The following MRLN variants were observed in gnomAD, a reference collection of about 807,000 sequenced individuals.
MRLN encodes myoregulin.
intron 1 of MRLN, among the ~76,000 whole-genome samples, chr10:59,747,389 G>A (rs1841053596): frequency 6.6e-6 from 1 of 152,178 alleles, no homozygotes; most frequent in Non-Finnish European, 1.5e-5. Flanking sequence ...TCCATAAAGT[G>A]GGGATAATGG....
intron 1 of MRLN, chr10:59,739,595 T>C (rs906983092): frequency 2.6e-5 from 4 of 152,248 alleles, no homozygotes; most frequent in Non-Finnish European, 5.9e-5. Context: ...GTTGAATCCA[T>C]GGATATGGAA....
intron 1 of MRLN, among the ~76,000 whole-genome samples, chr10:59,746,131 T>A (rs1479429077): frequency 6.6e-6 from 1 of 152,214 alleles, no homozygotes; most frequent in African/African-American, 2.4e-5. Context: ...TTTATAATCT[T>A]AAACACATCA....
At position 59,751,389 on chromosome 10, in the gene MRLN, C is replaced by T. The variant is rs546939430; in HGVS notation, c.-125+1965G>A. 1.8e-3 allele frequency among the ~76,000 whole-genome samples: 281 copies of T among 152,090 alleles called. 3 individuals carry two copies. The highest frequency in any genetic ancestry group is 2.9e-3 in the Non-Finnish European group (200 of 67,984). On this transcript the variant is annotated intron_variant, in intron 1 of 2. Transcript: ENST00000414264. ...TTAGAAGGTGATACTTGGCCAGGTG[C>T]GGTGGCTCACACCTATAATTCCAGC... is the stretch of plus-strand genomic sequence containing the variant.
chr10:59,737,627 T>A (rs1244910713), intron 2 of MRLN, among the ~76,000 whole-genome samples: 5 of 123,894 alleles, frequency 4.0e-5, no homozygotes, highest in Admixed American at 1.9e-4. Context: ...TTTGAAGACA[T>A]GAAAAAAGGC....
chr10:59,749,131 A>G (rs921935984), intron 1 of MRLN, among the ~76,000 whole-genome samples: 2 of 152,192 alleles, frequency 1.3e-5, no homozygotes, highest in Non-Finnish European at 2.9e-5. Context: ...AGAGAGAGTA[A>G]TATCTGTCTT....
At chr10:59,752,859 G>C (rs550770875) in intron 1 of MRLN, among the ~76,000 whole-genome samples, 1 of 152,156 alleles carries the variant, frequency 6.6e-6, no homozygotes, top group African/African-American at 2.4e-5. Flanking sequence ...GAACAAGACA[G>C]GTGCCCTCTC....
At chr10:59,744,169 G>T (rs1841015355) in intron 1 of MRLN, 2 of 156,900 alleles carry the variant, frequency 1.3e-5, no homozygotes, top group Non-Finnish European at 2.8e-5. Context: ...GCCCAGTCTG[G>T]GAAGTGAGGA....
intron 1 of MRLN, among the ~76,000 whole-genome samples, chr10:59,750,056 CTCTCTCTTTTT>C (rs1841083845): frequency 1.4e-5 from 2 of 138,400 alleles, no homozygotes; most frequent in African/African-American, 5.4e-5. Context: ...CTCTCTCTCT[CTCTCTCTTTTT>C]TTTTTTTTTT....
chr10:59,737,926 A>T (rs954382514), intron 2 of MRLN: 1 of 152,192 alleles, frequency 6.6e-6, no homozygotes, highest in Non-Finnish European at 1.5e-5. Context: ...AAAGTTCCCC[A>T]TATATACTCA....
At chr10:59,739,205 C>G (rs957238852) in intron 1 of MRLN, 1 of 151,674 alleles carries the variant, frequency 6.6e-6, no homozygotes, top group Non-Finnish European at 1.5e-5. Flanking sequence ...GACAAAACAA[C>G]AATTACAACC....
At chr10:59,737,320 G>T (rs1840935370) in intron 2 of MRLN, 100 bp from the exon 3 acceptor site, 1 of 375,004 alleles carries the variant, frequency 2.7e-6, no homozygotes, top group East Asian at 3.7e-5. Context: ...TGTGAACAAG[G>T]TAAGTCTTCC....
At chr10:59,741,464 G>T (rs1840982677) in intron 1 of MRLN, among the ~76,000 whole-genome samples, 1 of 151,880 alleles carries the variant, frequency 6.6e-6, no homozygotes, top group Non-Finnish European at 1.5e-5. Flanking sequence ...CTCACTACAG[G>T]CTCGACCTCC....
rs571891292 is a variant in MRLN, at chr10:59,747,559, G to A, written c.-125+5795C>T. Among the ~76,000 whole-genome samples the A allele has an allele frequency of 1.4e-4, 21 of 152,288 alleles. No homozygotes were observed. The South Asian group carries it at 3.1e-3, about 23-fold the overall frequency. Reference sequence around the variant, plus strand: ...ATCATTCTTCTCAAGTTCTCTTTAAGTACCTAAACAGGCAAAACTGTTAAA... The same window carrying A: ...ATCATTCTTCTCAAGTTCTCTTTAAATACCTAAACAGGCAAAACTGTTAAA... On this transcript the variant is annotated intron_variant, in intron 1 of 2. Coordinates refer to ENST00000414264, the MANE Select transcript of MRLN (RefSeq NM_001304731.2).
At chr10:59,741,932 G>T (rs1374843686) in intron 1 of MRLN, among the ~76,000 whole-genome samples, 1 of 152,156 alleles carries the variant, frequency 6.6e-6, no homozygotes, top group Non-Finnish European at 1.5e-5. Flanking sequence ...GGGAGAACAG[G>T]AGTGCGATTC....
At chr10:59,750,897 A>G (rs1841096317) in intron 1 of MRLN, among the ~76,000 whole-genome samples, 1 of 151,274 alleles carries the variant, frequency 6.6e-6, no homozygotes, top group Non-Finnish European at 1.5e-5. Flanking sequence ...AAATGGGACT[A>G]GGGGGGCTTG....
Position 59,736,803 on chromosome 10 carries a change from C to T in MRLN, c.*257G>A, listed in dbSNP as rs1840929488. ...GGGATTACAGGTGTGAGCCACCACA[C>T]CTGGCTAAAAATCTAGAAGTTTCAT... On this transcript the variant is annotated 3_prime_UTR_variant, in exon 3 of 3. Transcript: ENST00000414264. 1 of 180,428 alleles carries T rather than the reference C, an allele frequency of 5.5e-6. No homozygotes were observed. The highest frequency in any genetic ancestry group is 2.0e-4 in the South Asian group (1 of 5,082). 11.2% of individuals were successfully genotyped at this position (180,428 alleles called of 1,614,324 possible).
chr10:59,742,542 C>T (rs1445761313), intron 1 of MRLN, among the ~76,000 whole-genome samples: 1 of 152,138 alleles, frequency 6.6e-6, no homozygotes, highest in East Asian at 1.9e-4. Flanking sequence ...AGGAAACAGG[C>T]AAGAGATTCC....
At chr10:59,740,804 C>CTTTCTTTCTTTCT (rs1283091912) in intron 1 of MRLN, among the ~76,000 whole-genome samples, 1 of 54,664 alleles carries the variant, frequency 1.8e-5, no homozygotes, top group African/African-American at 6.1e-5. Flanking sequence ...TTCTTTCTTT[C>CTTTCTTTCTTTCT]TTTTTTTTTT....
At chr10:59,744,423 C>T (rs1241140311) in intron 1 of MRLN, among the ~76,000 whole-genome samples, 2 of 151,566 alleles carry the variant, frequency 1.3e-5, no homozygotes, top group Admixed American at 6.6e-5. Context: ...CCCCTCCGCC[C>T]GGCAGCTGCC....
Sources: allele counts gnomAD v4.1 joint callset (sites outside exome capture counted in the v4.1 genomes callset), GRCh38; gene constraint gnomAD v4.1.1; transcripts MANE v1.5; gene names NCBI Gene and HGNC (gene_info 2026-07-23, HGNC 2026-07-21).